SRL: variants seen among roughly 807,000 people sequenced by gnomAD.
SRL encodes sarcalumenin.
In SRL, 23 loss-of-function variants were observed where a neutral mutation model predicts 39.5. The ratio of observed to expected loss-of-function variants is 0.58; its 90% CI spans 0.42 to 0.82. The LOEUF is 0.82. Among genes scored for constraint, SRL ranks in the 40% least tolerant of loss-of-function variants. The pLI, the probability that SRL is intolerant of heterozygous loss-of-function variation, is 0.00. For missense variants in SRL, 592 were observed against 607.8 expected, an observed-to-expected ratio of 0.97 and a Z score of 0.27; for synonymous variants, 272 against 237.4, an observed-to-expected ratio of 1.15 and a Z score of -1.34.
chr16:4,238,099 T>C (rs375198706), intron 1 of SRL, among the ~76,000 whole-genome samples: 1 of 152,078 alleles, frequency 6.6e-6, no homozygotes, highest in Non-Finnish European at 1.5e-5. Flanking sequence ...ATGGAACACG[T>C]TGAGGTGTTT....
At chr16:4,216,686 A>C (rs192183384) in intron 1 of SRL, among the ~76,000 whole-genome samples, 58 of 152,312 alleles carry the variant, frequency 3.8e-4, no homozygotes, top group Non-Finnish European at 3.7e-4. Flanking sequence ...GTTTTTCCAG[A>C]GATCAGCCGT....
rs779739370 is a variant in SRL, at chr16:4,195,785, G to T, written c.378C>A (p.Gly126=). The T allele has an allele frequency of 1.9e-6, 3 of 1,612,784 alleles. No individual in the cohort carries two copies. Among genetic ancestry groups the T allele is most frequent in the Non-Finnish European group, 2.5e-6 (3 of 1,179,090 alleles). ...TGAACTCAGAGGTGGTGGGTTCAGC[G>T]CCTGGGCACACGGGGTGAGAGGTGA... ...LENTRYQLYT[G]AEPTTSEFTV... The change falls in exon 5 of 6, where the codon GGC becomes GGA. Residue 126 remains glycine (G), a splice_region_variant and synonymous_variant. Transcript: ENST00000399609.
chr16:4,219,393 G>GC (rs1471439206), intron 1 of SRL, among the ~76,000 whole-genome samples: 1 of 152,240 alleles, frequency 6.6e-6, no homozygotes, highest in African/African-American at 2.4e-5. Flanking sequence ...ACAAAGGACA[G>GC]CCCCTTGGTG....
intron 1 of SRL, among the ~76,000 whole-genome samples, chr16:4,221,287 T>TCTCC (rs1271782578): frequency 6.6e-6 from 1 of 152,196 alleles, no homozygotes; most frequent in African/African-American, 2.4e-5. Flanking sequence ...GACCTCGTGA[T>TCTCC]CTGCCTGCCT....
At position 4,192,260 on chromosome 16, in the gene SRL, G is replaced by C; in HGVS notation, c.1315C>G (p.Leu439Val). 1 of 1,614,024 alleles carries C rather than the reference G, an allele frequency of 6.2e-7. No homozygotes were observed. Among genetic ancestry groups the C allele is most frequent in the Non-Finnish European group, 8.5e-7 (1 of 1,179,938 alleles). The change falls in exon 6 of 6, where the codon CTT becomes GTT. Residue 439 changes from leucine (L) to valine (V), a missense_variant. Transcript: ENST00000399609. The surrounding 1 kb of genome is among the most constrained non-coding windows in gnomAD (Gnocchi z 4.0). ...CCGAGGCTACCCAGGAGGCCCGGAA[G>C]CTCCTGAGTGATGGCCCGCTCAATC... is the stretch of plus-strand genomic sequence containing the variant. ...EKIERAITQE[L>V]PGLLGSLGLG...
chr16:4,235,707 AT>A (rs2052707091), intron 1 of SRL, among the ~76,000 whole-genome samples: 1 of 152,134 alleles, frequency 6.6e-6, no homozygotes, highest in Non-Finnish European at 1.5e-5. Context: ...TCTCAAAAAA[AT>A]AAATAAAAAT....
At chr16:4,201,108 G>C (rs2052222731) in intron 3 of SRL, among the ~76,000 whole-genome samples, 1 of 131,558 alleles carries the variant, frequency 7.6e-6, no homozygotes, top group Non-Finnish European at 1.6e-5. Context: ...TTTAATTCCA[G>C]GGTTCCAATT....
intron 1 of SRL, chr16:4,208,089 G>A (rs1363422966): frequency 7.3e-5 from 33 of 452,660 alleles, no homozygotes; most frequent in Non-Finnish European, 9.8e-5. Flanking sequence ...GCCACCCGAC[G>A]CGGAGACTTG....
chr16:4,207,464 C>T (rs1286117856), intron 1 of SRL: 1 of 456,872 alleles, frequency 2.2e-6, no homozygotes, highest in Admixed American at 2.3e-5. Flanking sequence ...CTGCAGGCTC[C>T]TCGCCAGGCC....
intron 1 of SRL, among the ~76,000 whole-genome samples, chr16:4,230,125 A>G (rs1404386781): frequency 6.6e-6 from 1 of 151,600 alleles, no homozygotes. Flanking sequence ...CCTCCTACCT[A>G]CCACCACTAC....
At chr16:4,205,644 C>G (rs1470629153) in intron 1 of SRL, among the ~76,000 whole-genome samples, 1 of 152,072 alleles carries the variant, frequency 6.6e-6, no homozygotes, top group Non-Finnish European at 1.5e-5. Flanking sequence ...TAGCAAGAAG[C>G]AGGAGAAGGG....
In SRL at chr16:4,191,803, G is replaced by T. The variant is rs1177399599; in HGVS notation, c.*350C>A. The T allele has an allele frequency of 1.4e-5, 3 of 210,304 alleles. No homozygotes were observed. Among genetic ancestry groups the T allele is most frequent in the Non-Finnish European group, 2.8e-5 (3 of 106,008 alleles). The allele number at this position is 210,304 out of a possible 1,614,324, so 13.0% of individuals were successfully genotyped here. The stretch of plus-strand genomic sequence containing the variant: ...GTTTTCCCAGCTCACAGGGAACAAA[G>T]GAATTTCAGCTGCTTTTAGCTTATT... On this transcript the variant is annotated 3_prime_UTR_variant, in exon 6 of 6. Coordinates refer to ENST00000399609, the MANE Select transcript of SRL (RefSeq NM_001098814.2).
At chr16:4,240,663 G>A (rs1012567836) in intron 1 of SRL, among the ~76,000 whole-genome samples, 4 of 152,170 alleles carry the variant, frequency 2.6e-5, no homozygotes, top group Non-Finnish European at 5.9e-5. Context: ...CAGTTCCCTC[G>A]GTGGGAGGAA....
intron 3 of SRL, among the ~76,000 whole-genome samples, chr16:4,198,876 G>A (rs2052183953): frequency 6.6e-6 from 1 of 152,218 alleles, no homozygotes; most frequent in South Asian, 2.1e-4. Context: ...ATGTTGGGGA[G>A]ATGACCCTGC....
intron 1 of SRL, among the ~76,000 whole-genome samples, chr16:4,239,451 G>T (rs765331076): frequency 1.3e-5 from 2 of 152,238 alleles, no homozygotes; most frequent in African/African-American, 2.4e-5. Context: ...AGGAAGCAAA[G>T]AGGTCCCAAA....
At chr16:4,203,322 A>G (rs566145330) in intron 2 of SRL, 61 bp from the exon 3 acceptor site, 1 of 1,441,030 alleles carries the variant, frequency 6.9e-7, no homozygotes, top group Non-Finnish European at 9.8e-7. Context: ...CAGCTCCTCC[A>G]TTGTGGAGGG....
At chr16:4,196,174 T>G (rs1036672068) in intron 4 of SRL, among the ~76,000 whole-genome samples, 1 of 152,136 alleles carries the variant, frequency 6.6e-6, no homozygotes, top group African/African-American at 2.4e-5. Flanking sequence ...TTGGCCAGGC[T>G]GGTCTCGAAC....
intron 1 of SRL, among the ~76,000 whole-genome samples, chr16:4,217,084 T>C (rs9924005): frequency 0.031 from 4,695 of 152,234 alleles, 208 homozygotes; most frequent in African/African-American, 0.1. Context: ...GGGAATCTTC[T>C]TGAGAAACGT....
At position 4,230,721 on chromosome 16, in the gene SRL, C is replaced by A. The variant is rs1035802284; in HGVS notation, c.61+11286G>T. On this transcript the variant is annotated intron_variant, in intron 1 of 5. Transcript: ENST00000399609. ...ACCTTCTATGGAAACAGGGTCTTTG[C>A]AAATGTAATTAGTTAAGATGAGATC... Among the ~76,000 whole-genome samples the A allele has an allele frequency of 2.0e-5, 3 of 151,978 alleles. No individual in the cohort carries two copies. In the East Asian group the frequency reaches 5.8e-4, roughly 29 times the overall value.
Sources: gnomAD v4.1 joint callset for allele counts (sites outside exome capture counted in the v4.1 genomes callset) on GRCh38, gnomAD v4.1.1 for gene constraint, Gnocchi (gnomAD v3.1) non-coding constraint, MANE v1.5 for transcripts, NCBI Gene and HGNC (gene_info 2026-07-23, HGNC 2026-07-21) for gene names.